Variants in STK3 observed in about 807,000 individuals in gnomAD.
STK3 encodes serine/threonine kinase 3.
Under a neutral mutation model 58.0 loss-of-function variants are expected in STK3, and 41 were observed. The observed-to-expected ratio is 0.71, with a 90% CI of 0.55 to 0.92. The LOEUF is 0.92. STK3 is among the 40% of genes least tolerant of loss of function. STK3 has a pLI of 0.00. For synonymous variants in STK3, 170 were observed against 191.0 expected, an observed-to-expected ratio of 0.89 and a Z score of 0.91; for missense variants, 479 against 602.7, an observed-to-expected ratio of 0.79 and a Z score of 2.15.
downstream of STK3, among the ~76,000 whole-genome samples, chr8:98,367,795 G>A (rs902503705): frequency 1.3e-5 from 2 of 152,232 alleles, no homozygotes; most frequent in Admixed American, 6.5e-5. Flanking sequence ...GAAGGAAGCC[G>A]ACTGACTTGA....
chr8:98,916,210 T>C (rs1350774973), intron 1 of STK3, among the ~76,000 whole-genome samples: 1 of 151,968 alleles, frequency 6.6e-6, no homozygotes, highest in African/African-American at 2.4e-5. Flanking sequence ...AGGTCAGGAG[T>C]TCGAGACCAG....
chr8:98,849,684 C>T lies in STK3; in HGVS notation c.110+33963G>A, dbSNP rs1005467482. 2.0e-5 allele frequency among the ~76,000 whole-genome samples: 3 copies of T among 151,866 alleles called. No individual in the cohort carries two copies. The South Asian group carries it at 6.2e-4, about 32-fold the overall frequency. On this transcript the variant is annotated intron_variant, in intron 3 of 12. Coordinates refer to the STK3 transcript ENST00000523601. ...TCTCAGGTGAGCTTGCTCTGCTTGA[C>T]AACAAAAGTGCTCTTAGAAGCTCAT...
intron 10 of STK3, among the ~76,000 whole-genome samples, chr8:98,511,598 A>G (rs1040769642): frequency 4.6e-5 from 7 of 152,138 alleles, no homozygotes; most frequent in Non-Finnish European, 1.0e-4. Context: ...AATTCATTTT[A>G]TAATTTACCA....
chr8:98,494,654 CAAA>C (rs398008984), intron 10 of STK3, among the ~76,000 whole-genome samples: 3 of 40,456 alleles, frequency 7.4e-5, no homozygotes, highest in Non-Finnish European at 1.3e-4. Context: ...GACCCTGTCT[CAAA>C]AAAAAAAAAA....
At chr8:98,484,422 G>A (rs934590062) in intron 10 of STK3, among the ~76,000 whole-genome samples, 2 of 152,122 alleles carry the variant, frequency 1.3e-5, no homozygotes, top group African/African-American at 4.8e-5. Context: ...ACTAAATAGT[G>A]TAAGTTCACT....
intron 4 of STK3, among the ~76,000 whole-genome samples, chr8:98,713,811 A>G (rs1826753602): frequency 6.6e-6 from 1 of 152,010 alleles, no homozygotes; most frequent in Non-Finnish European, 1.5e-5. Context: ...AAAGCCTGGC[A>G]GAGACACAAC....
At chr8:98,787,185 A>C (rs949554347) in intron 1 of STK3, among the ~76,000 whole-genome samples, 2 of 149,894 alleles carry the variant, frequency 1.3e-5, no homozygotes, top group African/African-American at 4.9e-5. Context: ...AAAAAAAAAA[A>C]AAAAAAAAAC....
At chr8:98,846,652 T>C (rs1268525133) in intron 3 of STK3, among the ~76,000 whole-genome samples, 1 of 152,118 alleles carries the variant, frequency 6.6e-6, no homozygotes, top group African/African-American at 2.4e-5. Context: ...AGAAAGGTTT[T>C]TCCTCCCCCA....
At chr8:98,839,057 G>A (rs545844484) in intron 3 of STK3, among the ~76,000 whole-genome samples, 8 of 151,482 alleles carry the variant, frequency 5.3e-5, no homozygotes, top group African/African-American at 1.5e-4. Flanking sequence ...TTTGGGGGGG[G>A]GCGGTTTGAG....
At chr8:98,877,352 C>T (rs1041035236) in intron 3 of STK3, among the ~76,000 whole-genome samples, 5 of 152,102 alleles carry the variant, frequency 3.3e-5, no homozygotes, top group Admixed American at 3.3e-4. Context: ...TTTTCAAACT[C>T]CAAAGCTTAA....
intron 6 of STK3, among the ~76,000 whole-genome samples, chr8:98,650,274 T>C (rs1364347792): frequency 1.3e-5 from 2 of 152,270 alleles, no homozygotes; most frequent in Non-Finnish European, 2.9e-5. Context: ...ATAATAATGA[T>C]AATAGAGGAC....
intron 10 of STK3, among the ~76,000 whole-genome samples, chr8:98,466,413 C>T (rs1311814935): frequency 1.3e-5 from 2 of 152,168 alleles, no homozygotes; most frequent in Non-Finnish European, 2.9e-5. Context: ...GGGATGATTT[C>T]ACTGATTTCT....
chr8:98,905,362 C>T lies in STK3; in HGVS notation c.-78-21528G>A, dbSNP rs1459270920. 3.9e-6 allele frequency: 4 copies of T among 1,034,764 alleles called. No individual in the cohort carries two copies. The African/African-American group carries it at 6.3e-5, about 16-fold the overall frequency. 64.1% of individuals were successfully genotyped at this position (1,034,764 alleles called of 1,614,324 possible). On this transcript the variant is annotated intron_variant, in intron 1 of 1. Coordinates refer to the STK3 transcript ENST00000519420. ...TCTTTCACGATGTCACATTCAATGA[C>T]TGGACCATACTTCTCAAACTTGGCT...
At chr8:98,541,016 C>T (rs6991043) in intron 9 of STK3, among the ~76,000 whole-genome samples, 54,461 of 151,978 alleles carry the variant, frequency 0.36, 10,087 homozygotes, top group East Asian at 0.53. Flanking sequence ...CTGAACTCAG[C>T]GGCGCCAGCG....
intron 4 of STK3, among the ~76,000 whole-genome samples, chr8:98,735,354 A>G (rs1828497876): frequency 6.6e-6 from 1 of 152,174 alleles, no homozygotes; most frequent in Non-Finnish European, 1.5e-5. Flanking sequence ...TGTAACTCCC[A>G]TATATAGGAT....
upstream of STK3, among the ~76,000 whole-genome samples, chr8:98,827,426 T>C (rs1357298757): frequency 6.6e-6 from 1 of 152,184 alleles, no homozygotes; most frequent in Non-Finnish European, 1.5e-5. Context: ...GAATGTTAAA[T>C]AAAGGAAACC....
intron 6 of STK3, among the ~76,000 whole-genome samples, chr8:98,691,139 C>T (rs1225554445): frequency 6.6e-6 from 1 of 152,126 alleles, no homozygotes; most frequent in Non-Finnish European, 1.5e-5. Flanking sequence ...ACAGGATCAG[C>T]AGAAGCCCAA....
chr8:98,656,402 G>A (rs192228832), intron 6 of STK3, among the ~76,000 whole-genome samples: 79 of 152,116 alleles, frequency 5.2e-4, no homozygotes, highest in African/African-American at 1.7e-3. Flanking sequence ...GAGTTAATGG[G>A]TGCAGCACAC....
chr8:98,518,288 G>A (rs1040899981), intron 10 of STK3, among the ~76,000 whole-genome samples: 10 of 152,030 alleles, frequency 6.6e-5, no homozygotes, highest in Admixed American at 6.6e-4. Flanking sequence ...ACCTAAATAA[G>A]CAGAATTAGC....
Sources: allele counts gnomAD v4.1 joint callset (sites outside exome capture counted in the v4.1 genomes callset), GRCh38; gene constraint gnomAD v4.1.1; transcripts MANE v1.5; gene names NCBI Gene and HGNC (gene_info 2026-07-23, HGNC 2026-07-21).